The following UBAP2 variants were observed in gnomAD, a reference collection of about 807,000 sequenced individuals.
UBAP2 encodes ubiquitin-associated protein 2.
In UBAP2, 75 loss-of-function variants were observed where a neutral mutation model predicts 139.6. That is an observed-to-expected ratio of 0.54 (90% CI 0.45 to 0.65). The LOEUF (loss-of-function observed/expected upper bound fraction) is 0.65, where lower values mean the gene tolerates loss of function less well. Ranked by LOEUF, UBAP2 falls within the 30% of genes least tolerant of loss-of-function variation. The pLI, the probability that UBAP2 is intolerant of heterozygous loss-of-function variation, is 0.00. For missense variants in UBAP2, 1,368 were observed against 1,369.6 expected, an observed-to-expected ratio of 1.00 and a Z score of 0.02; for synonymous variants, 526 against 526.2, an observed-to-expected ratio of 1.00 and a Z score of 0.01.
intron 1 of UBAP2, among the ~76,000 whole-genome samples, chr9:34,019,824 C>T (rs1824750260): frequency 6.6e-6 from 1 of 151,386 alleles, no homozygotes; most frequent in South Asian, 2.1e-4. Flanking sequence ...ACTGTTTATG[C>T]AAACAATTCC....
rs1049795269 is a variant in UBAP2 at position 33,938,373 on chromosome 9, C to T, written c.1930-2495G>A. On this transcript the variant is annotated intron_variant, in intron 16 of 28. Transcript: ENST00000379238. ...CTCAAACTCCTGACCTCAAGCAATCCACCTGCCTCCACCTCTCAAAGTGCT... is the reference window on the plus strand; with the variant it reads ...CTCAAACTCCTGACCTCAAGCAATCTACCTGCCTCCACCTCTCAAAGTGCT... 3.3e-5 allele frequency among the ~76,000 whole-genome samples: 5 copies of T among 152,070 alleles called. No individual in the cohort carries two copies. The East Asian group carries it at 5.8e-4, about 18-fold the overall frequency.
chr9:33,975,432 TAA>T (rs770473072), intron 6 of UBAP2, among the ~76,000 whole-genome samples: 4,391 of 118,196 alleles, frequency 0.037, 170 homozygotes, highest in East Asian at 0.1. Context: ...GCTCTATCTT[TAA>T]AAAAAAAAAA....
chr9:34,020,989 A>G (rs1824894492), intron 1 of UBAP2, among the ~76,000 whole-genome samples: 1 of 152,128 alleles, frequency 6.6e-6, no homozygotes, highest in South Asian at 2.1e-4. Context: ...AGACACCCAA[A>G]AGCAAGCATT....
At chr9:33,977,901 G>A (rs1281293059) in intron 6 of UBAP2, among the ~76,000 whole-genome samples, 2 of 151,194 alleles carry the variant, frequency 1.3e-5, no homozygotes, top group African/African-American at 4.9e-5. Flanking sequence ...TGTAGTCCCA[G>A]CTTCTCGGGA....
chr9:33,973,089 A>C, intron 7 of UBAP2, 94 bp downstream of exon 7: 1 of 1,082,030 alleles, frequency 9.2e-7, no homozygotes, highest in Non-Finnish European at 1.4e-6. Context: ...TAGATTCACC[A>C]TGATGACTAA....
chr9:34,041,294 AATG>A (rs1827053032), intron 1 of UBAP2, among the ~76,000 whole-genome samples: 1 of 91,468 alleles, frequency 1.1e-5, no homozygotes, highest in South Asian at 3.1e-4. Context: ...CTCTACTAAA[AATG>A]CAAAAAAAAA....
rs370230611 is a variant in UBAP2, at chr9:33,922,847, G to A, written c.3104C>T (p.Thr1035Met). Reference protein sequence around the residue: ...TFDKQGFHAGTPPPFSLPSVL... With the variant: ...TFDKQGFHAGMPPPFSLPSVL... ...CGAGGGCAGGCTGAAAGGTGGAGGC[G>A]TCCCTGCATGAAATCCCTGCTTGTC... Residue 1035 changes from threonine to methionine, a missense_variant, in exon 28 of 29, where the codon ACG (threonine) becomes ATG (methionine). Thr to Met is a moderately conservative substitution (Grantham distance 81, BLOSUM62 -1). Transcript: ENST00000379238. 29 of 1,584,196 alleles carry A rather than the reference G, an allele frequency of 1.8e-5. No individual in the cohort carries two copies. The highest frequency in any genetic ancestry group is 1.7e-4 in the Middle Eastern group (1 of 5,910).
intron 4 of UBAP2, among the ~76,000 whole-genome samples, chr9:33,992,763 T>C (rs1029611144): frequency 6.6e-6 from 1 of 152,118 alleles, no homozygotes; most frequent in Non-Finnish European, 1.5e-5. Context: ...GTCTGCAAAG[T>C]ATACACACAT....
At chr9:33,942,596 G>A (rs967565485) in intron 15 of UBAP2, among the ~76,000 whole-genome samples, 18 of 151,766 alleles carry the variant, frequency 1.2e-4, no homozygotes, top group African/African-American at 4.4e-4. Flanking sequence ...TGGGCATGGT[G>A]GTGCACGCCT....
At position 33,998,835 on chromosome 9, in the gene UBAP2, T is replaced by A. The variant is rs138921797; in HGVS notation, c.129A>T (p.Gln43His). ...QATAEQMRLA[Q>H]VIFDKNDSDF... ...CTGAATCATTCTTATCAAAGATCAC[T>A]TGAGCGAGACGCATCTGTTCAGCTG... The change falls in exon 3 of 29, where the codon CAA (glutamine) becomes CAT (histidine). Residue 43 changes from glutamine (Q) to histidine (H), a missense_variant. Coordinates refer to ENST00000379238, the MANE Select transcript of UBAP2 (RefSeq NM_001370062.2). The A allele has an allele frequency of 2.5e-6, 4 of 1,612,048 alleles. No homozygotes were observed. In the South Asian group the frequency reaches 4.4e-5, roughly 18 times the overall value.
intron 16 of UBAP2, among the ~76,000 whole-genome samples, chr9:33,937,795 G>A (rs1248310248): frequency 2.6e-5 from 4 of 150,966 alleles, no homozygotes; most frequent in Non-Finnish European, 4.4e-5. Flanking sequence ...GGTGGTGGGC[G>A]GCTGTAATCC....
intron 8 of UBAP2, among the ~76,000 whole-genome samples, chr9:33,970,405 G>C (rs1379993688): frequency 6.6e-6 from 1 of 151,692 alleles, no homozygotes; most frequent in African/African-American, 2.4e-5. Flanking sequence ...TTTTTGGCTA[G>C]GGTTGATGTT....
chr9:33,989,455 C>A (rs1296925057), intron 4 of UBAP2, among the ~76,000 whole-genome samples: 3 of 152,136 alleles, frequency 2.0e-5, no homozygotes, highest in Non-Finnish European at 4.4e-5. Flanking sequence ...CCCGCCTTGG[C>A]CTCCCAAAGT....
chr9:33,974,940 G>T (rs1306680435), intron 6 of UBAP2, among the ~76,000 whole-genome samples: 1 of 88,984 alleles, frequency 1.1e-5, no homozygotes, highest in Non-Finnish European at 2.4e-5. Context: ...TAAAAAAAAA[G>T]GGGGGGGTGC....
intron 6 of UBAP2, among the ~76,000 whole-genome samples, chr9:33,979,533 C>T (rs544913471): frequency 6.6e-6 from 1 of 151,680 alleles, no homozygotes; most frequent in South Asian, 2.1e-4. Context: ...CAAGATCCCA[C>T]CATCGCACTC....
At chr9:34,029,805 T>G (rs543545543) in intron 1 of UBAP2, among the ~76,000 whole-genome samples, 1 of 147,218 alleles carries the variant, frequency 6.8e-6, no homozygotes, top group South Asian at 2.2e-4. Flanking sequence ...CTGGCCAACA[T>G]GGTGAAAACC....
chr9:33,944,453 G>A lies in UBAP2; in HGVS notation c.1457C>T (p.Thr486Met), dbSNP rs202188078. 5.9e-5 allele frequency: 95 copies of A among 1,614,104 alleles called. No homozygotes were observed. In the East Asian group the frequency reaches 1.6e-3, roughly 27 times the overall value. Residue 486 changes from threonine (T) to methionine (M), a missense_variant, in exon 14 of 29, where the codon ACG (threonine) becomes ATG (methionine). Transcript: ENST00000379238. ...TVNKLLQLPSTTIENISVSVH... is the reference protein window; with the variant it reads ...TVNKLLQLPSMTIENISVSVH... Reference sequence around the variant, plus strand: ...AGACACAGAGATATTTTCAATGGTCGTGCTGGGAAGCTGCAAAAGCTTGTT... The same window carrying A: ...AGACACAGAGATATTTTCAATGGTCATGCTGGGAAGCTGCAAAAGCTTGTT...
At chr9:33,989,214 T>G in intron 4 of UBAP2, 88 bp from the exon 5 acceptor site, 1 of 1,403,594 alleles carries the variant, frequency 7.1e-7, no homozygotes, top group Non-Finnish European at 9.3e-7. Context: ...TTTTTTTTTT[T>G]TTTTTTGAGA....
chr9:34,006,637 G>A lies in UBAP2; in HGVS notation c.100-7773C>T, dbSNP rs117789751. On this transcript the variant is annotated intron_variant, in intron 2 of 28. Transcript: ENST00000379238. ...GGAGAAGGGAGCAGTGAGCATGACC[G>A]TGCCACTGCACTCCAGTCTGGGTGA... Among the ~76,000 whole-genome samples the A allele has an allele frequency of 4.2e-4, 64 of 152,136 alleles. No homozygotes were observed. In the East Asian group the frequency reaches 0.012, roughly 28 times the overall value.
Sources: gnomAD v4.1 joint callset for allele counts (sites outside exome capture counted in the v4.1 genomes callset) on GRCh38, gnomAD v4.1.1 for gene constraint, MANE v1.5 for transcripts, NCBI Gene and HGNC (gene_info 2026-07-23, HGNC 2026-07-21) for gene names.